TBK1: variants seen among roughly 807,000 people sequenced by gnomAD.
TBK1 encodes serine/threonine-protein kinase TBK1.
Under a neutral mutation model 99.9 loss-of-function variants are expected in TBK1, and 37 were observed. That is an observed-to-expected ratio of 0.37 (90% CI 0.28 to 0.49). TBK1 has a LOEUF of 0.49. Among genes scored for constraint, TBK1 ranks in the 20% least tolerant of loss-of-function variants. TBK1 has a pLI of 0.98. For missense variants in TBK1, 644 were observed against 872.5 expected, an observed-to-expected ratio of 0.74 and a Z score of 3.30; for synonymous variants, 258 against 279.8, an observed-to-expected ratio of 0.92 and a Z score of 0.78.
chr12:64,484,743 C>A (rs1019385374), intron 9 of TBK1, among the ~76,000 whole-genome samples: 77 of 152,024 alleles, frequency 5.1e-4, no homozygotes, highest in Admixed American at 1.3e-4. Context: ...CAGTGTGGGA[C>A]CCTGTCTCAA....
chr12:64,485,867 G>A, intron 10 of TBK1, 59 bp from the exon 11 acceptor site: 1 of 1,270,230 alleles, frequency 7.9e-7, no homozygotes, highest in East Asian at 2.7e-5. Context: ...TTGTGTAAAA[G>A]TTTTTCTTAC....
rs187368284 is a variant in TBK1, at chr12:64,456,046, G to T, written c.87+89G>T. ...TTGACACTAAAGTGTGTGACTTGGTGATTTTGATCCCTTTGTCTGAAGAAA... is the reference window on the plus strand; with the variant it reads ...TTGACACTAAAGTGTGTGACTTGGTTATTTTGATCCCTTTGTCTGAAGAAA... On this transcript the variant is annotated intron_variant, in intron 2 of 20. Transcript: ENST00000331710. The T allele has an allele frequency of 7.6e-6, 7 of 917,622 alleles. No individual in the cohort carries two copies. The Admixed American group carries it at 8.6e-5, about 11-fold the overall frequency. The allele number at this position is 917,622 out of a possible 1,614,324, so 56.8% of individuals were successfully genotyped here.
intron 3 of TBK1, among the ~76,000 whole-genome samples, chr12:64,463,967 G>A (rs2040576830): frequency 6.6e-6 from 1 of 151,256 alleles, no homozygotes. Flanking sequence ...AGGTTCAAGT[G>A]ATTCTCCTGC....
chr12:64,460,858 A>G (rs572010665), intron 3 of TBK1, among the ~76,000 whole-genome samples: 1 of 150,604 alleles, frequency 6.6e-6, no homozygotes, highest in South Asian at 2.1e-4. Flanking sequence ...AAAAGAAAGG[A>G]TCATTTGAGC....
chr12:64,498,566 A>G (rs2040953475), intron 20 of TBK1, among the ~76,000 whole-genome samples: 1 of 152,258 alleles, frequency 6.6e-6, no homozygotes, highest in Non-Finnish European at 1.5e-5. Context: ...CCTCAGAGAA[A>G]TTAAGTCATA....
intron 10 of TBK1, 68 bp from the exon 11 acceptor site, chr12:64,485,858 T>C: frequency 1.8e-6 from 2 of 1,123,848 alleles, no homozygotes; most frequent in South Asian, 3.8e-5. Flanking sequence ...TGAATAATTT[T>C]GTGTAAAAGT....
intron 13 of TBK1, among the ~76,000 whole-genome samples, chr12:64,494,018 T>C (rs2040899497): frequency 6.6e-6 from 1 of 152,222 alleles, no homozygotes; most frequent in African/African-American, 2.4e-5. Context: ...GTTGGTCCTT[T>C]AGTTTGCTTT....
chr12:64,452,628 A>C (rs1041425766), intron 1 of TBK1: 1 of 152,164 alleles, frequency 6.6e-6, no homozygotes, highest in African/African-American at 2.4e-5. Flanking sequence ...CACAACGGGC[A>C]GTTTTTAAAT....
At chr12:64,479,889 C>A in intron 6 of TBK1, 123 bp from the exon 7 acceptor site, 1 of 597,326 alleles carries the variant, frequency 1.7e-6, no homozygotes, top group Non-Finnish European at 3.0e-6. Context: ...CTGTGAGCAT[C>A]AATCACAAAG....
At chr12:64,472,157 A>C (rs1028079375) in intron 5 of TBK1, among the ~76,000 whole-genome samples, 7 of 151,204 alleles carry the variant, frequency 4.6e-5, no homozygotes, top group African/African-American at 1.7e-4. Context: ...ATGTTTGGAC[A>C]CTCACGTCAA....
intron 11 of TBK1, 114 bp downstream of exon 11, chr12:64,486,131 T>C (rs2040818145): frequency 1.7e-6 from 1 of 601,242 alleles, no homozygotes; most frequent in South Asian, 2.7e-5. Flanking sequence ...TTATAATACA[T>C]TTGTTTCACA....
At chr12:64,464,515 A>T in intron 4 of TBK1, 52 bp downstream of exon 4, 1 of 1,395,492 alleles carries the variant, frequency 7.2e-7, no homozygotes, top group Non-Finnish European at 9.5e-7. Flanking sequence ...TTAATAACAG[A>T]ATTTTTAAAA....
rs1409233867 is a variant in TBK1, at chr12:64,480,064, G to A, written c.754G>A (p.Ala252Thr). The A allele has an allele frequency of 1.2e-6, 2 of 1,613,064 alleles. No individual in the cohort carries two copies. Among genetic ancestry groups the A allele is most frequent in the Non-Finnish European group, 1.7e-6 (2 of 1,179,464 alleles). ...TGGTGCAATATCTGGAGTACAGAAA[G>A]CAGAAAATGGACCAATTGACTGGAG... ...PSGAISGVQK[A>T]ENGPIDWSGD... Residue 252 changes from alanine (A) to threonine (T), a missense_variant, in exon 7 of 21, where the codon GCA becomes ACA. Around this residue, in one of 3 missense-constraint regions of TBK1, gnomAD observed 465 missense variants for 588.0 expected, o/e 0.79. Transcript: ENST00000331710.
intron 13 of TBK1, among the ~76,000 whole-genome samples, chr12:64,491,075 A>G (rs886315973): frequency 2.0e-5 from 3 of 152,202 alleles, no homozygotes; most frequent in South Asian, 2.1e-4. Context: ...GAAAAATACA[A>G]TAGAACTTCT....
chr12:64,496,882 A>C lies in TBK1; in HGVS notation c.1761-67A>C, dbSNP rs941434010. On this transcript the variant is annotated intron_variant, in intron 16 of 20. Coordinates refer to ENST00000331710, the MANE Select transcript of TBK1 (RefSeq NM_013254.4). ...GAAAGATACATTTCATATATTTGAA[A>C]ATTTCTAAATATTGAAAGTAGAAAC... 8.2e-6 allele frequency: 9 copies of C among 1,094,100 alleles called. No individual in the cohort carries two copies. The African/African-American group carries it at 1.4e-4, about 18-fold the overall frequency. The allele number at this position is 1,094,100 out of a possible 1,614,324, so 67.8% of individuals were successfully genotyped here. A position where few individuals can be genotyped will look rare whatever the true frequency, so the allele number is the denominator to read the frequency against.
At position 64,460,553 on chromosome 12, in the gene TBK1, C is replaced by A. The variant is rs369526317; in HGVS notation, c.228+224C>A. On this transcript the variant is annotated intron_variant, in intron 3 of 20. Transcript: ENST00000331710. ...AGAAATAAAAGGGGGCGGCCGGCTG[C>A]GGCTGGGTGCAGTGGCTCACACCTA... Among the ~76,000 whole-genome samples the A allele has an allele frequency of 3.9e-5, 6 of 152,042 alleles. 1 individual carries two copies. Among genetic ancestry groups the A allele is most frequent in the African/African-American group, 1.2e-4 (5 of 41,484 alleles).
chr12:64,454,374 G>C (rs1565809801), intron 1 of TBK1, among the ~76,000 whole-genome samples: 1 of 152,114 alleles, frequency 6.6e-6, no homozygotes. Context: ...AGCCTCCCGA[G>C]TAGCTGGGAT....
At chr12:64,488,938 G>A (rs756669556) in intron 12 of TBK1, among the ~76,000 whole-genome samples, 29 of 152,206 alleles carry the variant, frequency 1.9e-4, no homozygotes, top group Non-Finnish European at 1.5e-4. Flanking sequence ...GTTGCAGTGA[G>A]CTGAGATCAT....
chr12:64,464,600 A>G, intron 4 of TBK1, 137 bp downstream of exon 4: 1 of 633,700 alleles, frequency 1.6e-6, no homozygotes, highest in Non-Finnish European at 2.3e-6. Flanking sequence ...CAAATACCAG[A>G]AATACATAAA....
Sources: gnomAD v4.1 joint callset for allele counts (sites outside exome capture counted in the v4.1 genomes callset) on GRCh38, gnomAD v4.1.1 for gene constraint, gnomAD v4.1.1 regional missense constraint, MANE v1.5 for transcripts, NCBI Gene and HGNC (gene_info 2026-07-23, HGNC 2026-07-21) for gene names.